ZNF875: variants seen among roughly 807,000 people sequenced by gnomAD.
ZNF875 encodes zinc finger protein 875, also known as HKR1, GLI-Kruppel zinc finger family member.
A neutral mutation model predicts 11.2 loss-of-function variants in ZNF875; 14 were observed. The ratio of observed to expected loss-of-function variants is 1.26; its 90% CI spans 0.83 to 1.96. The LOEUF (loss-of-function observed/expected upper bound fraction) is 1.96. Among genes scored for constraint, ZNF875 ranks in the 30% most tolerant of loss-of-function variants. ZNF875 has a pLI of 0.00. For synonymous variants in ZNF875, 301 were observed against 281.1 expected, an observed-to-expected ratio of 1.07 and a Z score of -0.71; for missense variants, 752 against 760.4, an observed-to-expected ratio of 0.99 and a Z score of 0.13.
chr19:37,318,166 C>G (rs1176681672), exon 1 of ZNF875: 1 of 153,684 alleles, frequency 6.5e-6, no homozygotes, highest in Non-Finnish European at 1.5e-5. Context: ...ACCTCTGACA[C>G]GTATTGTCTC....
intron 2 of ZNF875, among the ~76,000 whole-genome samples, chr19:37,342,190 T>C (rs2035851763): frequency 6.6e-6 from 1 of 152,214 alleles, no homozygotes; most frequent in South Asian, 2.1e-4. Flanking sequence ...TTGGGTCTTT[T>C]AGCCAAACTT....
intron 2 of ZNF875, among the ~76,000 whole-genome samples, chr19:37,339,206 A>G (rs1287851706): frequency 1.3e-5 from 2 of 151,862 alleles, no homozygotes; most frequent in African/African-American, 4.8e-5. Flanking sequence ...CTGCAAACAT[A>G]TTTTGACAGG....
chr19:37,319,344 C>CATATATATATATATATGTATATAT (rs2030830089), intron 1 of ZNF875, among the ~76,000 whole-genome samples: 1 of 112,350 alleles, frequency 8.9e-6, no homozygotes, highest in Non-Finnish European at 1.7e-5. Context: ...CTGCAGCCGG[C>CATATATATATATATATGTATATAT]ATATATATAT....
chr19:37,344,221 G>A (rs1246687142), intron 2 of ZNF875, among the ~76,000 whole-genome samples: 1 of 152,214 alleles, frequency 6.6e-6, no homozygotes, highest in East Asian at 1.9e-4. Flanking sequence ...TTTGAACACA[G>A]TTTGTCTCCA....
In ZNF875 at chr19:37,363,824, T is replaced by C; in HGVS notation, c.*49T>C. 1 of 1,486,084 alleles carries C rather than the reference T, an allele frequency of 6.7e-7. No individual in the cohort carries two copies. The highest frequency in any genetic ancestry group is 9.3e-7 in the Non-Finnish European group (1 of 1,071,760). 92.1% of individuals were successfully genotyped at this position (1,486,084 alleles called of 1,614,324 possible). ...TGGTACAGCCTTTAGCCAGGAGTCA[T>C]ACTTCATCAGACACCAGAGGACACA... is the stretch of plus-strand genomic sequence containing the variant. On this transcript the variant is annotated 3_prime_UTR_variant, in exon 5 of 5. Coordinates refer to ENST00000392153, the MANE Select transcript of ZNF875 (RefSeq NM_001353803.2).
chr19:37,315,702 G>C (rs958922807), upstream of ZNF875: 1 of 152,074 alleles, frequency 6.6e-6, no homozygotes. Context: ...ATGGAGAAGG[G>C]CCAAGTAACT....
rs1481228072 is a variant in ZNF875 at position 37,363,164 on chromosome 19, A to G, written c.1312A>G (p.Lys438Glu). 2 of 1,613,350 alleles carry G rather than the reference A, an allele frequency of 1.2e-6. No individual in the cohort carries two copies. ...GRHFSWKSNL[K>E]THQRTHSGVK... The stretch of plus-strand genomic sequence containing the variant: ...TCACTTTAGCTGGAAATCAAACCTC[A>G]AAACACACCAGAGGACACACTCAGG... Residue 438 changes from lysine (K) to glutamate (E), a missense_variant, in exon 5 of 5, where the codon AAA becomes GAA. Coordinates refer to ENST00000392153, the MANE Select transcript of ZNF875 (RefSeq NM_001353803.2).
chr19:37,314,623 G>C (rs558443719), upstream of ZNF875, among the ~76,000 whole-genome samples: 1 of 151,884 alleles, frequency 6.6e-6, no homozygotes, highest in African/African-American at 2.4e-5. Context: ...TCAGAAGTTC[G>C]AGAGCATTCT....
chr19:37,355,739 T>A (rs1399895208), intron 4 of ZNF875, among the ~76,000 whole-genome samples: 1 of 152,210 alleles, frequency 6.6e-6, no homozygotes, highest in Non-Finnish European at 1.5e-5. Flanking sequence ...GAATTATTAT[T>A]TCAATAATCT....
At chr19:37,335,318 T>C in intron 2 of ZNF875, 61 bp downstream of exon 2, 1 of 661,954 alleles carries the variant, frequency 1.5e-6, no homozygotes, top group Non-Finnish European at 2.8e-6. Flanking sequence ...TACCTTTTCT[T>C]GTCCTGGAGG....
intron 2 of ZNF875, chr19:37,344,862 T>A (rs930227377): frequency 4.5e-5 from 38 of 852,952 alleles, no homozygotes; most frequent in Non-Finnish European, 7.3e-5. Context: ...GTGTGTATGT[T>A]CTGAGAAGGG....
At chr19:37,359,887 A>G (rs745587973) in intron 4 of ZNF875, 5 of 151,900 alleles carry the variant, frequency 3.3e-5, no homozygotes, top group Non-Finnish European at 5.9e-5. Context: ...TTATCTTTTC[A>G]TTTTCTCAAT....
intron 2 of ZNF875, among the ~76,000 whole-genome samples, chr19:37,323,356 G>A (rs891516617): frequency 2.6e-5 from 4 of 151,854 alleles, no homozygotes; most frequent in Admixed American, 1.3e-4. Context: ...GGGTTTCATC[G>A]TGTTGGCCAG....
chr19:37,321,697 G>A (rs764670193), intron 1 of ZNF875, among the ~76,000 whole-genome samples: 20 of 152,232 alleles, frequency 1.3e-4, no homozygotes, highest in Non-Finnish European at 2.1e-4. Context: ...GCAGCCTCAG[G>A]GTAGTCAGAA....
intron 4 of ZNF875, among the ~76,000 whole-genome samples, chr19:37,356,957 G>A (rs752660599): frequency 5.3e-5 from 8 of 152,102 alleles, no homozygotes; most frequent in Non-Finnish European, 1.0e-4. Context: ...TATAGTTTGA[G>A]GTCTTACATT....
intron 4 of ZNF875, among the ~76,000 whole-genome samples, chr19:37,351,153 C>G (rs1331441990): frequency 6.6e-6 from 1 of 152,082 alleles, no homozygotes; most frequent in East Asian, 1.9e-4. Flanking sequence ...TGCTACATTT[C>G]TTCATGTGTC....
At chr19:37,318,395 G>A (rs2030495816) in intron 1 of ZNF875, among the ~76,000 whole-genome samples, 1 of 152,078 alleles carries the variant, frequency 6.6e-6, no homozygotes, top group Non-Finnish European at 1.5e-5. Flanking sequence ...TTATTTAGTG[G>A]ACTGTCTCTG....
chr19:37,353,387 T>C (rs2038294117), intron 4 of ZNF875, among the ~76,000 whole-genome samples: 1 of 152,218 alleles, frequency 6.6e-6, no homozygotes, highest in Non-Finnish European at 1.5e-5. Flanking sequence ...TCTGTAAACA[T>C]CCTAAACCCA....
At chr19:37,334,427 G>A (rs2033861374), upstream of ZNF875, among the ~76,000 whole-genome samples, 1 of 152,212 alleles carries the variant, frequency 6.6e-6, no homozygotes, top group African/African-American at 2.4e-5. Flanking sequence ...GCGGTCAGCA[G>A]ATCTCATTGG....
Sources: allele counts gnomAD v4.1 joint callset (sites outside exome capture counted in the v4.1 genomes callset), GRCh38; gene constraint gnomAD v4.1.1; transcripts MANE v1.5; gene names NCBI Gene and HGNC (gene_info 2026-07-23, HGNC 2026-07-21).